Variants in PRKG1 observed in about 807,000 individuals in gnomAD.
The protein encoded by PRKG1 is cGMP-dependent protein kinase 1.
In PRKG1, 35 loss-of-function variants were observed where a neutral mutation model predicts 88.1. The observed-to-expected ratio is 0.40, with a 90% CI of 0.30 to 0.53. PRKG1 has a LOEUF of 0.53. PRKG1 is among the 20% of genes least tolerant of loss of function. The probability of loss-of-function intolerance (pLI) is 0.59; values close to 1 mark genes in which losing one functional copy is unlikely to be tolerated. For missense variants in PRKG1, 540 were observed against 839.8 expected, an observed-to-expected ratio of 0.64 and a Z score of 4.41; for synonymous variants, 303 against 292.5, an observed-to-expected ratio of 1.04 and a Z score of -0.37.
intron 10 of PRKG1, among the ~76,000 whole-genome samples, chr10:52,255,511 A>G (rs1564534413): frequency 6.6e-6 from 1 of 152,076 alleles, no homozygotes; most frequent in African/African-American, 2.4e-5. Context: ...AGGAACAAAT[A>G]TAAGATAAAC....
intron 5 of PRKG1, among the ~76,000 whole-genome samples, chr10:52,025,852 T>A (rs1009755430): frequency 4.6e-5 from 7 of 151,724 alleles, no homozygotes; most frequent in Non-Finnish European, 8.8e-5. Flanking sequence ...TACTTTAAAT[T>A]TAGCTAAGTC....
intron 3 of PRKG1, among the ~76,000 whole-genome samples, chr10:51,683,625 G>A (rs1048154003): frequency 6.6e-5 from 10 of 152,156 alleles, no homozygotes; most frequent in Non-Finnish European, 8.8e-5. Flanking sequence ...ATGAGCTGAT[G>A]TTGAGGGCAT....
intron 3 of PRKG1, among the ~76,000 whole-genome samples, chr10:51,528,451 A>T (rs1841935352): frequency 6.6e-6 from 1 of 152,146 alleles, no homozygotes; most frequent in African/African-American, 2.4e-5. Context: ...TTTTAAAGAA[A>T]AGTTGGTAGG....
chr10:51,019,471 C>T (rs563019564), intron 1 of PRKG1, among the ~76,000 whole-genome samples: 37 of 152,086 alleles, frequency 2.4e-4, no homozygotes, highest in African/African-American at 7.5e-4. Context: ...GGGTCCTTAC[C>T]TAACACCATA....
At chr10:52,207,772 G>A (rs555747074) in intron 9 of PRKG1, among the ~76,000 whole-genome samples, 227 of 152,224 alleles carry the variant, frequency 1.5e-3, no homozygotes, top group South Asian at 4.8e-3. Context: ...TCTGGGGGCC[G>A]GGAGTGAGCC....
chr10:51,752,203 C>T (rs919539735), intron 3 of PRKG1, among the ~76,000 whole-genome samples: 1 of 152,136 alleles, frequency 6.6e-6, no homozygotes, highest in Admixed American at 6.6e-5. Flanking sequence ...AATATAACCT[C>T]ATTATGCCTT....
chr10:51,375,578 T>C (rs2132618275), intron 2 of PRKG1, among the ~76,000 whole-genome samples: 1 of 152,272 alleles, frequency 6.6e-6, no homozygotes, highest in African/African-American at 2.4e-5. Flanking sequence ...TTTTCAGGTT[T>C]GGGATTTTCA....
In PRKG1 at chr10:52,171,785, A is replaced by ATTTTTTTTTT. The variant is rs1358641112; in HGVS notation, c.1076+9822_1076+9823insTTTTTTTTTT. Among the ~76,000 whole-genome samples, 130 of 122,646 alleles carry ATTTTTTTTTT rather than the reference A, an allele frequency of 1.1e-3. 4 individuals are homozygous for ATTTTTTTTTT. The highest frequency in any genetic ancestry group is 6.3e-3 in the East Asian group (24 of 3,832). The allele number at this position is 122,646 out of a possible 152,430, so 80.5% of individuals were successfully genotyped here. A position where few individuals can be genotyped will look rare whatever the true frequency, so the allele number is the denominator to read the frequency against. On this transcript the variant is annotated intron_variant, in intron 9 of 17. Coordinates refer to ENST00000373980, the MANE Select transcript of PRKG1 (RefSeq NM_006258.4). ...AATAGAAGTATTTTTCTTTTATCAA[A>ATTTTTTTTTT]ATTTTTTTTTTTTTTTTTTTTTTTT... is the stretch of plus-strand genomic sequence containing the variant.
At chr10:51,499,705 G>T (rs1416025897) in intron 3 of PRKG1, among the ~76,000 whole-genome samples, 1 of 152,188 alleles carries the variant, frequency 6.6e-6, no homozygotes, top group East Asian at 1.9e-4. Flanking sequence ...TTTGGAGGCT[G>T]AAGCAGGAGG....
intron 4 of PRKG1, among the ~76,000 whole-genome samples, chr10:51,853,168 AT>A (rs1488180650): frequency 3.3e-5 from 5 of 152,150 alleles, no homozygotes; most frequent in Admixed American, 6.5e-5. Context: ...GTTCTTTCTA[AT>A]ACATCACCTG....
In PRKG1 at chr10:51,137,449, A is replaced by G. The variant is rs190598296; in HGVS notation, c.312-15715A>G. Among the ~76,000 whole-genome samples, 328 of 152,232 alleles carry G rather than the reference A, an allele frequency of 2.2e-3. 3 individuals carry two copies. The highest frequency in any genetic ancestry group is 7.5e-3 in the African/African-American group (313 of 41,528). ...GCATCTGTATTTTTAAAAATCTCCA[A>G]TTGACTCTGATGCCTAGTGTGGATT... is the stretch of plus-strand genomic sequence containing the variant. On this transcript the variant is annotated intron_variant, in intron 1 of 17. Transcript: ENST00000373980.
intron 10 of PRKG1, among the ~76,000 whole-genome samples, chr10:52,267,502 G>A (rs1207620164): frequency 2.6e-5 from 4 of 151,984 alleles, no homozygotes; most frequent in African/African-American, 9.7e-5. Context: ...TATGAGGATT[G>A]TTCAAAAGTT....
chr10:52,091,975 C>T lies in PRKG1; in HGVS notation c.935+29344C>T, dbSNP rs780837523. 2.5e-4 allele frequency among the ~76,000 whole-genome samples: 38 copies of T among 152,228 alleles called. 1 individual carries two copies. Among genetic ancestry groups the T allele is most frequent in the Admixed American group, 1.2e-3 (19 of 15,286 alleles). ...AGAAAGTAGGGCTGACTTGATGTCA[C>T]GGTATGACTACTTCTGGGCAAAAAC... is the stretch of plus-strand genomic sequence containing the variant. On this transcript the variant is annotated intron_variant, in intron 7 of 17. Transcript: ENST00000373980.
chr10:51,334,195 TCACA>T (rs1392023339), intron 2 of PRKG1, among the ~76,000 whole-genome samples: 1 of 137,496 alleles, frequency 7.3e-6, no homozygotes, highest in Non-Finnish European at 1.6e-5. Context: ...TCTCTCTCAC[TCACA>T]CACACATACA....
At chr10:51,824,189 G>T (rs1441262392) in intron 4 of PRKG1, among the ~76,000 whole-genome samples, 1 of 152,030 alleles carries the variant, frequency 6.6e-6, no homozygotes, top group Non-Finnish European at 1.5e-5. Context: ...TCAAGGATTT[G>T]TATATCCATA....
At chr10:52,052,381 C>T (rs1048893010) in intron 5 of PRKG1, among the ~76,000 whole-genome samples, 1 of 151,220 alleles carries the variant, frequency 6.6e-6, no homozygotes, top group Non-Finnish European at 1.5e-5. Flanking sequence ...TTGAGACCAG[C>T]CTGGGCAACA....
intron 9 of PRKG1, among the ~76,000 whole-genome samples, chr10:52,167,505 T>A (rs530939800): frequency 6.6e-6 from 1 of 152,100 alleles, no homozygotes; most frequent in South Asian, 2.1e-4. Flanking sequence ...TTCATGAAAA[T>A]CATTTTAATA....
intron 2 of PRKG1, among the ~76,000 whole-genome samples, chr10:51,196,161 G>T (rs922737612): frequency 6.6e-6 from 1 of 152,170 alleles, no homozygotes; most frequent in Admixed American, 6.6e-5. Context: ...GACAAGGTTG[G>T]TGTTTAGCAT....
upstream of PRKG1, among the ~76,000 whole-genome samples, chr10:51,069,726 A>G (rs1202053439): frequency 6.6e-6 from 1 of 152,098 alleles, no homozygotes; most frequent in East Asian, 1.9e-4. Context: ...TCTATCAGTA[A>G]TGTGGAAAGC....
Sources: gnomAD v4.1 joint callset for allele counts (sites outside exome capture counted in the v4.1 genomes callset) on GRCh38, gnomAD v4.1.1 for gene constraint, MANE v1.5 for transcripts, NCBI Gene and HGNC (gene_info 2026-07-23, HGNC 2026-07-21) for gene names.